Variants in GLDN observed in about 807,000 individuals in gnomAD.
The protein encoded by GLDN is collomin.
In GLDN, 47 loss-of-function variants were observed where a neutral mutation model predicts 56.5. The observed-to-expected ratio is 0.83, with a 90% confidence interval of 0.66 to 1.06. GLDN has a LOEUF of 1.06. Among genes scored for constraint, GLDN ranks in the 50% least tolerant of loss-of-function variants. GLDN has a pLI of 0.00. For missense variants in GLDN, 782 were observed against 714.3 expected (o/e 1.09, Z -1.08); for synonymous variants, 332 against 278.8 (o/e 1.19, Z -1.90).
In GLDN at chr15:51,383,932, T is replaced by A. The variant is rs745406945; in HGVS notation, c.541+40T>A. 3.4e-5 allele frequency: 48 copies of A among 1,395,368 alleles called. 1 individual carries two copies. The highest frequency in any genetic ancestry group is 4.6e-5 in the Non-Finnish European group (46 of 998,556). The allele number at this position is 1,395,368 out of a possible 1,614,324, so 86.4% of individuals were successfully genotyped here. A position where few individuals can be genotyped will look rare whatever the true frequency, so the allele number is the denominator to read the frequency against. On this transcript the variant is annotated intron_variant, in intron 4 of 9. Coordinates refer to ENST00000335449, the MANE Select transcript of GLDN (RefSeq NM_181789.4). ...TCTTCTAATTAATTTCCCTGTTATT[T>A]ATCTCCATGATTGCATTTGGGTCGA...
At chr15:51,370,058 G>T (rs552853757) in intron 1 of GLDN, among the ~76,000 whole-genome samples, 19 of 152,312 alleles carry the variant, frequency 1.2e-4, no homozygotes, top group African/African-American at 4.3e-4. Context: ...TAAAGCTGTA[G>T]TGAGCCATGT....
At chr15:51,393,468 G>A (rs8036702) in intron 4 of GLDN, among the ~76,000 whole-genome samples, 5,775 of 152,254 alleles carry the variant, frequency 0.038, 192 homozygotes, top group African/African-American at 0.092. Context: ...TTTCCTGTGT[G>A]AGCCCTGATA....
chr15:51,413,112 G>T, the GLDN span, among the ~76,000 whole-genome samples: 1 of 151,990 alleles, frequency 6.6e-6, no homozygotes, highest in Non-Finnish European at 1.5e-5. Context: ...CTTTTGAATT[G>T]ACTGTGTTCT....
At chr15:51,357,681 C>T (rs1230807220) in intron 1 of GLDN, among the ~76,000 whole-genome samples, 1 of 152,216 alleles carries the variant, frequency 6.6e-6, no homozygotes, top group African/African-American at 2.4e-5. Context: ...GAACTCCCAG[C>T]ACTGACCCGG....
chr15:51,358,403 C>T (rs937755354), intron 1 of GLDN, among the ~76,000 whole-genome samples: 2 of 152,186 alleles, frequency 1.3e-5, no homozygotes, highest in Admixed American at 1.3e-4. Context: ...ATTTAAAATA[C>T]ACCCCGAACC....
chr15:51,393,403 C>T (rs756872464), intron 4 of GLDN, among the ~76,000 whole-genome samples: 8 of 151,446 alleles, frequency 5.3e-5, no homozygotes, highest in Non-Finnish European at 1.0e-4. Context: ...AGGACTCTAC[C>T]CAGTATTCAG....
At chr15:51,348,261 G>T (rs960894902) in intron 1 of GLDN, among the ~76,000 whole-genome samples, 1 of 152,050 alleles carries the variant, frequency 6.6e-6, no homozygotes, top group Non-Finnish European at 1.5e-5. Flanking sequence ...AAGAACCGGA[G>T]CCTCCTGCTT....
intron 1 of GLDN, among the ~76,000 whole-genome samples, chr15:51,368,311 A>T (rs947551579): frequency 6.6e-6 from 1 of 152,142 alleles, no homozygotes; most frequent in Non-Finnish European, 1.5e-5. Flanking sequence ...ACAGCGAAAA[A>T]GTGAGCCAGT....
At chr15:51,393,290 T>C (rs1595834642) in intron 4 of GLDN, among the ~76,000 whole-genome samples, 1 of 152,056 alleles carries the variant, frequency 6.6e-6, no homozygotes, top group Admixed American at 6.5e-5. Context: ...GGCAGTTAGG[T>C]TTCATCCTTT....
At chr15:51,396,054 C>T (rs989396884) in intron 5 of GLDN, among the ~76,000 whole-genome samples, 2 of 152,174 alleles carry the variant, frequency 1.3e-5, no homozygotes, top group African/African-American at 2.4e-5. Flanking sequence ...CTCCCACAGA[C>T]CCCACCTCCA....
intron 4 of GLDN, among the ~76,000 whole-genome samples, chr15:51,386,347 C>T (rs2037892787): frequency 6.6e-6 from 1 of 152,168 alleles, no homozygotes; most frequent in African/African-American, 2.4e-5. Flanking sequence ...CATGGGCCAG[C>T]TCAGGCTGCA....
At chr15:51,345,624 C>A (rs1327392606) in intron 1 of GLDN, among the ~76,000 whole-genome samples, 1 of 152,178 alleles carries the variant, frequency 6.6e-6, no homozygotes, top group Non-Finnish European at 1.5e-5. Flanking sequence ...GTAATTGTGT[C>A]TCACCCCCAA....
intron 8 of GLDN, 62 bp downstream of exon 8, chr15:51,400,560 A>G: frequency 1.3e-6 from 2 of 1,546,630 alleles, no homozygotes; most frequent in Non-Finnish European, 8.8e-7. Context: ...TCTGTTGCCT[A>G]CCTTTGGGCG....
Position 51,407,376 on chromosome 15 carries a change from T to C in GLDN, c.*2622T>C, listed in dbSNP as rs963235419. ...ACTGAATGTTTTTAAGTCAAGATAC[T>C]GTTTTAGGAGTTTACCCTCTCATTT... On this transcript the variant is annotated 3_prime_UTR_variant, in exon 10 of 10. Transcript: ENST00000335449. 1 of 152,270 alleles carries C rather than the reference T, an allele frequency of 6.6e-6. No homozygotes were observed. The highest frequency in any genetic ancestry group is 6.5e-5 in the Admixed American group (1 of 15,286). The allele number at this position is 152,270 out of a possible 1,614,324, so 9.4% of individuals were successfully genotyped here.
downstream of GLDN, among the ~76,000 whole-genome samples, chr15:51,409,846 T>C (rs750611809): frequency 6.6e-5 from 10 of 152,240 alleles, no homozygotes; most frequent in Non-Finnish European, 1.0e-4. Context: ...CTTCCAAAGA[T>C]TGGATTTGGT....
chr15:51,374,422 G>T (rs1259084663), intron 1 of GLDN, among the ~76,000 whole-genome samples: 1 of 152,082 alleles, frequency 6.6e-6, no homozygotes, highest in Non-Finnish European at 1.5e-5. Flanking sequence ...TTTTCTGTCT[G>T]GTGATGTTAA....
At chr15:51,377,318 C>T (rs939110193) in intron 1 of GLDN, 131 bp from the exon 2 acceptor site, 13 of 669,342 alleles carry the variant, frequency 1.9e-5, no homozygotes, top group Admixed American at 2.6e-5. Context: ...ACTGCGTTTT[C>T]CTTGAACTTC....
chr15:51,387,577 T>C (rs954137174), intron 4 of GLDN, among the ~76,000 whole-genome samples: 2 of 152,124 alleles, frequency 1.3e-5, no homozygotes, highest in African/African-American at 2.4e-5. Flanking sequence ...CTGCAGGTCC[T>C]CACGTGGGTA....
chr15:51,408,895 T>G (rs1211330317), downstream of GLDN, among the ~76,000 whole-genome samples: 1 of 151,996 alleles, frequency 6.6e-6, no homozygotes, highest in Non-Finnish European at 1.5e-5. Flanking sequence ...TATTCCATGG[T>G]GTATATGTGC....
Sources: gnomAD v4.1 joint callset for allele counts (sites outside exome capture counted in the v4.1 genomes callset) on GRCh38, gnomAD v4.1.1 for gene constraint, MANE v1.5 for transcripts, NCBI Gene and HGNC (gene_info 2026-07-23, HGNC 2026-07-21) for gene names.